The following FAR1 variants were observed in gnomAD, a reference collection of about 807,000 sequenced individuals.
FAR1 encodes fatty acyl-CoA reductase 1.
Under a neutral mutation model 61.1 loss-of-function variants are expected in FAR1, and 22 were observed. The observed-to-expected ratio is 0.36, with a 90% CI of 0.26 to 0.51. The LOEUF (loss-of-function observed/expected upper bound fraction) is 0.51, where lower values mean the gene tolerates loss of function less well. Ranked by LOEUF, FAR1 falls within the 20% of genes least tolerant of loss-of-function variation. The pLI is 0.95. For missense variants in FAR1, 359 were observed against 626.9 expected, an observed-to-expected ratio of 0.57 and a Z score of 4.56; for synonymous variants, 206 against 209.7, an observed-to-expected ratio of 0.98 and a Z score of 0.15.
At chr11:13,699,071 T>C (rs187511432) in intron 2 of FAR1, among the ~76,000 whole-genome samples, 7 of 152,304 alleles carry the variant, frequency 4.6e-5, no homozygotes, top group East Asian at 3.9e-4. Flanking sequence ...AACACTATTA[T>C]TCTACTTTGT....
intron 3 of FAR1, among the ~76,000 whole-genome samples, chr11:13,706,814 A>G (rs1349130113): frequency 1.3e-5 from 2 of 152,126 alleles, no homozygotes; most frequent in African/African-American, 2.4e-5. Context: ...TTTGGTGACT[A>G]TGTTAGAAAT....
rs1304695600 is a variant in FAR1, at chr11:13,730,331, TGAAAAG to T, written c.*1563_*1568del. On this transcript the variant is annotated 3_prime_UTR_variant, in exon 12 of 12. Transcript: ENST00000354817. ...CTACTTTCATGCAGGTGTATAATCT[TGAAAAG>T]GAAAAATGCTTCCATGTTGAAGCCA... 6.6e-6 allele frequency: 1 copy of T among 152,436 alleles called. No individual in the cohort carries two copies. Among genetic ancestry groups the T allele is most frequent in the East Asian group, 1.9e-4 (1 of 5,198 alleles). The allele number at this position is 152,436 out of a possible 1,614,324, so 9.4% of individuals were successfully genotyped here.
Position 13,721,516 on chromosome 11 carries a change from CA to C in FAR1, c.1128-206del, listed in dbSNP as rs572485255. 4.8e-4 allele frequency: 208 copies of C among 429,704 alleles called. No homozygotes were observed. The highest frequency in any genetic ancestry group is 7.4e-4 in the African/African-American group (36 of 48,390). The allele number at this position is 429,704 out of a possible 1,614,324, so 26.6% of individuals were successfully genotyped here. ...TATTAAATGCATTTGCTGCTGCTTT[CA>C]AAAAAAATTTGTTTTCCTTTTGGAT... On this transcript the variant is annotated intron_variant, in intron 9 of 11. Transcript: ENST00000354817. The surrounding 1 kb of genome is among the most constrained non-coding windows in gnomAD (Gnocchi z 4.2).
intron 2 of FAR1, among the ~76,000 whole-genome samples, chr11:13,697,361 C>T (rs1279321018): frequency 6.6e-6 from 1 of 151,890 alleles, no homozygotes. Flanking sequence ...ACTCGGGAGG[C>T]TGAGGTGGGA....
rs369277624 is a variant in FAR1 at position 13,709,523 on chromosome 11, A to G, written c.546-1170A>G. ...TCCTTTCCTTGCTGCAAAGAAATCT[A>G]GCTAACATAATTTTAAGATAACTCA... is the stretch of plus-strand genomic sequence containing the variant. On this transcript the variant is annotated intron_variant, in intron 4 of 11. Coordinates refer to ENST00000354817, the MANE Select transcript of FAR1 (RefSeq NM_032228.6). Among the ~76,000 whole-genome samples, 7 of 152,142 alleles carry G rather than the reference A, an allele frequency of 4.6e-5. 1 individual carries two copies. The East Asian group carries it at 1.2e-3, about 25-fold the overall frequency.
chr11:13,684,776 A>AG (rs2134172769), intron 1 of FAR1, among the ~76,000 whole-genome samples: 1 of 152,336 alleles, frequency 6.6e-6, no homozygotes, highest in South Asian at 2.1e-4. Flanking sequence ...ATAGCTCACT[A>AG]GTCTGTGTAC....
rs772649052 is a variant in FAR1, at chr11:13,715,273, G to T, written c.1127+593G>T. Among the ~76,000 whole-genome samples the T allele has an allele frequency of 4.6e-5, 7 of 152,278 alleles. No homozygotes were observed. The East Asian group carries it at 1.3e-3, about 29-fold the overall frequency. On this transcript the variant is annotated intron_variant, in intron 9 of 11. Coordinates refer to ENST00000354817, the MANE Select transcript of FAR1 (RefSeq NM_032228.6). The stretch of plus-strand genomic sequence containing the variant: ...TCACCTGATTAATCACAATCAGAAT[G>T]CTAGGACATTTCTTAGAATTTGGAG...
chr11:13,706,272 AT>A (rs1489912370), intron 3 of FAR1, among the ~76,000 whole-genome samples: 1 of 152,090 alleles, frequency 6.6e-6, no homozygotes, highest in African/African-American at 2.4e-5. Flanking sequence ...ACTTTAAGGA[AT>A]TTTAGTTTCT....
intron 1 of FAR1, among the ~76,000 whole-genome samples, chr11:13,685,074 T>G (rs927981885): frequency 1.4e-4 from 21 of 152,192 alleles, no homozygotes; most frequent in African/African-American, 4.8e-4. Context: ...ATAAAGCCAC[T>G]GATCTTTGAT....
intron 3 of FAR1, among the ~76,000 whole-genome samples, chr11:13,701,442 G>A (rs1430929335): frequency 6.6e-6 from 1 of 152,102 alleles, no homozygotes; most frequent in Non-Finnish European, 1.5e-5. Flanking sequence ...ATTTTTAAAA[G>A]TTTAAAAAAT....
rs1848712858 is a variant in FAR1 at position 13,730,503 on chromosome 11, G to A, written c.*1729G>A. 1 of 152,180 alleles carries A rather than the reference G, an allele frequency of 6.6e-6. No homozygotes were observed. Among genetic ancestry groups the A allele is most frequent in the African/African-American group, 2.4e-5 (1 of 41,436 alleles). The allele number at this position is 152,180 out of a possible 1,614,324, so 9.4% of individuals were successfully genotyped here. ...GGTATAAGAGACCATGACAATGTCT[G>A]AAAATGGAATAGATAATGATGCCTT... On this transcript the variant is annotated 3_prime_UTR_variant, in exon 12 of 12. Transcript: ENST00000354817.
intron 1 of FAR1, among the ~76,000 whole-genome samples, chr11:13,674,369 G>A (rs1366379523): frequency 3.9e-5 from 6 of 151,900 alleles, no homozygotes; most frequent in Non-Finnish European, 7.4e-5. Flanking sequence ...GCAGATCTGA[G>A]CTTTAATTTT....
intron 4 of FAR1, among the ~76,000 whole-genome samples, chr11:13,709,175 A>G (rs1848471753): frequency 6.6e-6 from 1 of 152,094 alleles, no homozygotes. Flanking sequence ...CTTAGTTAAC[A>G]TCTGCTGCTT....
intron 3 of FAR1, among the ~76,000 whole-genome samples, chr11:13,707,641 C>G (rs1848447803): frequency 6.6e-6 from 1 of 152,004 alleles, no homozygotes; most frequent in South Asian, 2.1e-4. Flanking sequence ...CTGTTTGTTC[C>G]TGGACAATTA....
At chr11:13,717,285 G>C (rs1848567456) in intron 9 of FAR1, among the ~76,000 whole-genome samples, 1 of 152,092 alleles carries the variant, frequency 6.6e-6, no homozygotes, top group Non-Finnish European at 1.5e-5. Flanking sequence ...AGCTCCTCAA[G>C]TATAGTTCCT....
chr11:13,708,179 T>A, intron 4 of FAR1, 100 bp downstream of exon 4: 4 of 739,630 alleles, frequency 5.4e-6, no homozygotes, highest in Non-Finnish European at 8.0e-6. Flanking sequence ...CAGGCCAACA[T>A]AGTGAAACCC....
At position 13,710,805 on chromosome 11, in the gene FAR1, GC is replaced by G; in HGVS notation, c.659del (p.Ala220GlufsTer3). 6.2e-7 allele frequency: 1 copy of G among 1,613,056 alleles called. No individual in the cohort carries two copies. Among genetic ancestry groups the G allele is most frequent in the South Asian group, 1.1e-5 (1 of 90,976 alleles). ...LAEYVVQQEG[A>X]KLNVAIVRPS... ...AGAATATGTTGTACAACAAGAAGGA[GC>G]AAAACTAAATGTGGCAATTGTAAGG... On this transcript the variant is annotated frameshift_variant, in exon 5 of 12. Coordinates refer to ENST00000354817, the MANE Select transcript of FAR1 (RefSeq NM_032228.6). LOFTEE classifies it high-confidence loss of function.
Position 13,710,610 on chromosome 11 carries a change from T to C in FAR1, c.546-83T>C, listed in dbSNP as rs188077582. The C allele has an allele frequency of 4.7e-3, 5,612 of 1,187,246 alleles. 23 individuals carry two copies. The highest frequency in any genetic ancestry group is 5.7e-3 in the Non-Finnish European group (4,908 of 863,674). 73.5% of individuals were successfully genotyped at this position (1,187,246 alleles called of 1,614,324 possible). A position where few individuals can be genotyped will look rare whatever the true frequency, so the allele number is the denominator to read the frequency against. On this transcript the variant is annotated intron_variant, in intron 4 of 11. Coordinates refer to ENST00000354817, the MANE Select transcript of FAR1 (RefSeq NM_032228.6). ...TTTGAGTCAGAACAGCAGATATGTT[T>C]GAATGTGCGAAGTTCAATTAAGTAG...
At chr11:13,723,132 A>T (rs1340470260) in intron 10 of FAR1, among the ~76,000 whole-genome samples, 2 of 151,902 alleles carry the variant, frequency 1.3e-5, no homozygotes, top group Non-Finnish European at 2.9e-5. Context: ...TTGGAGGCTG[A>T]GGTGGAAGAA....
Sources: allele counts gnomAD v4.1 joint callset (sites outside exome capture counted in the v4.1 genomes callset), GRCh38; gene constraint gnomAD v4.1.1; non-coding constraint Gnocchi (gnomAD v3.1); transcripts MANE v1.5; gene names NCBI Gene and HGNC (gene_info 2026-07-23, HGNC 2026-07-21).